The following DNAJC27 variants were observed in gnomAD, a reference collection of about 807,000 sequenced individuals.
The protein encoded by DNAJC27 is dnaJ homolog subfamily C member 27.
Under a neutral mutation model 31.4 loss-of-function variants are expected in DNAJC27, and 25 were observed. That is an observed-to-expected ratio of 0.80 (90% CI 0.58 to 1.11). The LOEUF (loss-of-function observed/expected upper bound fraction) is 1.11. Among genes scored for constraint, DNAJC27 ranks in the 50% most tolerant of loss-of-function variants. The pLI, the probability that DNAJC27 is intolerant of heterozygous loss-of-function variation, is 0.00. For synonymous variants in DNAJC27, 106 were observed against 112.7 expected, an observed-to-expected ratio of 0.94 and a Z score of 0.37; for missense variants, 356 against 347.3, an observed-to-expected ratio of 1.02 and a Z score of -0.20.
chr2:24,947,557 C>T lies in DNAJC27; in HGVS notation c.*59G>A. On this transcript the variant is annotated 3_prime_UTR_variant, in exon 7 of 7. Coordinates refer to ENST00000264711, the MANE Select transcript of DNAJC27 (RefSeq NM_016544.3). The stretch of plus-strand genomic sequence containing the variant: ...AAGGAAAACTCCACGTTGGTTATTT[C>T]ACCTCTAGGGAAAGTCTGTTTGCAT... 2 of 1,537,222 alleles carry T rather than the reference C, an allele frequency of 1.3e-6. No individual in the cohort carries two copies. The highest frequency in any genetic ancestry group is 2.4e-5 in the South Asian group (2 of 81,634).
chr2:24,954,751 C>G (rs1430769935), intron 5 of DNAJC27, among the ~76,000 whole-genome samples: 3 of 152,170 alleles, frequency 2.0e-5, no homozygotes, highest in Non-Finnish European at 4.4e-5. Context: ...TCCTGGCTAA[C>G]TCGGTGAAAC....
chr2:24,946,753 T>G lies in DNAJC27; in HGVS notation c.*863A>C, dbSNP rs1283060244. The G allele has an allele frequency of 1.3e-5, 2 of 152,092 alleles. No homozygotes were observed. Among genetic ancestry groups the G allele is most frequent in the African/African-American group, 4.8e-5 (2 of 41,410 alleles). The allele number at this position is 152,092 out of a possible 1,614,324, so 9.4% of individuals were successfully genotyped here. ...TTGAGCTCCTGGGCTTAAGCAATCC[T>G]CCTGTCTCAGCCTCCTGAGTAGCTG... On this transcript the variant is annotated 3_prime_UTR_variant, in exon 7 of 7. Coordinates refer to ENST00000264711, the MANE Select transcript of DNAJC27 (RefSeq NM_016544.3).
chr2:24,969,509 ACT>A (rs1441989862), intron 1 of DNAJC27: 1 of 165,610 alleles, frequency 6.0e-6, no homozygotes, highest in Non-Finnish European at 1.3e-5. Context: ...TTAGAGTCTC[ACT>A]CTGTCGCCTA....
chr2:24,951,263 G>A (rs1665767700), intron 6 of DNAJC27, 131 bp downstream of exon 6: 1 of 964,972 alleles, frequency 1.0e-6, no homozygotes, highest in Non-Finnish European at 1.5e-6. Context: ...GTGAAACTGA[G>A]TCATTCTAAT....
chr2:24,950,823 G>C (rs1665754955), intron 6 of DNAJC27, among the ~76,000 whole-genome samples: 1 of 151,574 alleles, frequency 6.6e-6, no homozygotes, highest in African/African-American at 2.4e-5. Flanking sequence ...CTCCAGCCGG[G>C]GTGATAAGAG....
intron 2 of DNAJC27, 80 bp downstream of exon 2, chr2:24,967,131 G>A (rs1666204680): frequency 9.6e-7 from 1 of 1,043,704 alleles, no homozygotes; most frequent in Non-Finnish European, 1.5e-6. Context: ...CTACACAAGA[G>A]CACTGATGCA....
chr2:24,969,541 A>G, intron 1 of DNAJC27: 1 of 156,514 alleles, frequency 6.4e-6, no homozygotes, highest in African/African-American at 2.4e-5. Flanking sequence ...GCAGTGGCAC[A>G]ATCTGGGCTT....
At position 24,944,892 on chromosome 2, in the gene DNAJC27, A is replaced by G. The variant is rs987993088; in HGVS notation, c.*2724T>C. On this transcript the variant is annotated 3_prime_UTR_variant, in exon 7 of 7. Coordinates refer to ENST00000264711, the MANE Select transcript of DNAJC27 (RefSeq NM_016544.3). ...TACTTCTTGGTGACTCAGATGTTGA[A>G]GACATGGCTTTTCTTTAATAATAGC... 6.5e-6 allele frequency: 1 copy of G among 152,676 alleles called. No homozygotes were observed. Among genetic ancestry groups the G allele is most frequent in the Non-Finnish European group, 1.5e-5 (1 of 68,042 alleles). 9.5% of individuals were successfully genotyped at this position (152,676 alleles called of 1,614,324 possible). A position where few individuals can be genotyped will look rare whatever the true frequency, so the allele number is the denominator to read the frequency against.
rs1272770999 is a variant in DNAJC27, at chr2:24,945,477, CT to C, written c.*2138del. The C allele has an allele frequency of 6.6e-6, 1 of 152,180 alleles. No homozygotes were observed. Among genetic ancestry groups the C allele is most frequent in the Non-Finnish European group, 1.5e-5 (1 of 68,036 alleles). 9.4% of individuals were successfully genotyped at this position (152,180 alleles called of 1,614,324 possible). A position where few individuals can be genotyped will look rare whatever the true frequency, so the allele number is the denominator to read the frequency against. On this transcript the variant is annotated 3_prime_UTR_variant, in exon 7 of 7. Coordinates refer to ENST00000264711, the MANE Select transcript of DNAJC27 (RefSeq NM_016544.3). The stretch of plus-strand genomic sequence containing the variant: ...TAACAGTGATGAAAACTGGCACCAG[CT>C]TTCATAGAGGGCCACACATTCAGAG...
Position 24,947,414 on chromosome 2 carries a change from C to T in DNAJC27, c.*202G>A. On this transcript the variant is annotated 3_prime_UTR_variant, in exon 7 of 7. Coordinates refer to ENST00000264711, the MANE Select transcript of DNAJC27 (RefSeq NM_016544.3). ...ATGAAATGAAGTACAGGGTGTGACG[C>T]TCAGTTCACTTCATACAAATGCAGG... The T allele has an allele frequency of 1.8e-6, 1 of 557,132 alleles. No homozygotes were observed. Among genetic ancestry groups the T allele is most frequent in the Non-Finnish European group, 3.1e-6 (1 of 323,074 alleles). 34.5% of individuals were successfully genotyped at this position (557,132 alleles called of 1,614,324 possible).
In DNAJC27 at chr2:24,971,949, C is replaced by G; in HGVS notation, c.-45G>C. 1 of 1,434,210 alleles carries G rather than the reference C, an allele frequency of 7.0e-7. No individual in the cohort carries two copies. The allele number at this position is 1,434,210 out of a possible 1,614,324, so 88.8% of individuals were successfully genotyped here. A position where few individuals can be genotyped will look rare whatever the true frequency, so the allele number is the denominator to read the frequency against. ...CCACCCGCCTCGGTCTCTTCTTGTG[C>G]ACCGCTGGCCCGTCCCTCAGGCCTC... is the stretch of plus-strand genomic sequence containing the variant. On this transcript the variant is annotated 5_prime_UTR_variant, in exon 1 of 7. Transcript: ENST00000264711.
intron 5 of DNAJC27, among the ~76,000 whole-genome samples, chr2:24,955,132 C>G (rs1167132763): frequency 1.3e-5 from 2 of 152,106 alleles, no homozygotes; most frequent in Non-Finnish European, 2.9e-5. Context: ...TTGGACTTAG[C>G]AGATGAAGAC....
At chr2:24,955,522 C>T (rs779907505) in intron 5 of DNAJC27, among the ~76,000 whole-genome samples, 17 of 152,064 alleles carry the variant, frequency 1.1e-4, no homozygotes, top group Non-Finnish European at 1.8e-4. Flanking sequence ...AAAAACAAAA[C>T]AGAAAACTCC....
intron 3 of DNAJC27, among the ~76,000 whole-genome samples, chr2:24,960,802 C>T (rs748317064): frequency 1.2e-4 from 18 of 152,288 alleles, no homozygotes; most frequent in South Asian, 2.1e-4. Flanking sequence ...GAGGAAAAGT[C>T]AGAAGCTAGC....
intron 4 of DNAJC27, 82 bp from the exon 5 acceptor site, chr2:24,957,247 C>A: frequency 6.9e-7 from 1 of 1,445,516 alleles, no homozygotes; most frequent in East Asian, 2.5e-5. Flanking sequence ...CTCTGTCAAT[C>A]CTTTACTAAG....
In DNAJC27 at chr2:24,967,246, G is replaced by T. The variant is rs533594381; in HGVS notation, c.135C>A (p.Tyr45Ter). ...CATAGTCAATTCCAATTGTTGCCAG[G>T]TATTTAGACACGAATCTTTTCTCAC... ...RYCEKRFVSK[Y>*]LATIGIDYGV... Residue 45 changes from tyrosine to a stop codon, truncating the protein, a stop_gained, in exon 2 of 7, where the codon TAC becomes TAA. Transcript: ENST00000264711. LOFTEE classifies it high-confidence loss of function. 1 of 1,613,802 alleles carries T rather than the reference G, an allele frequency of 6.2e-7. No individual in the cohort carries two copies. Among genetic ancestry groups the T allele is most frequent in the South Asian group, 1.1e-5 (1 of 91,062 alleles).
intron 5 of DNAJC27, 131 bp from the exon 6 acceptor site, chr2:24,951,685 C>T (rs1410741991): frequency 3.7e-6 from 2 of 537,436 alleles, no homozygotes; most frequent in African/African-American, 2.0e-5. Context: ...CAAATACACA[C>T]TTTGGAAGAT....
At chr2:24,967,007 T>C (rs999146907) in intron 2 of DNAJC27, among the ~76,000 whole-genome samples, 1 of 152,244 alleles carries the variant, frequency 6.6e-6, no homozygotes, top group Non-Finnish European at 1.5e-5. Flanking sequence ...GTGAATGGGA[T>C]GTGCTCAATA....
rs1055917413 is a variant in DNAJC27 at position 24,947,380 on chromosome 2, T to C, written c.*236A>G. 2.4e-6 allele frequency: 1 copy of C among 408,398 alleles called. No homozygotes were observed. The highest frequency in any genetic ancestry group is 7.6e-5 in the South Asian group (1 of 13,108). 25.3% of individuals were successfully genotyped at this position (408,398 alleles called of 1,614,324 possible). On this transcript the variant is annotated 3_prime_UTR_variant, in exon 7 of 7. Transcript: ENST00000264711. ...CGAATGAGAAAAAAATTCAGAATTA[T>C]CTAGAAATATGAAATGAAGTACAGG...
Sources: gnomAD v4.1 joint callset for allele counts (sites outside exome capture counted in the v4.1 genomes callset) on GRCh38, gnomAD v4.1.1 for gene constraint, MANE v1.5 for transcripts, NCBI Gene and HGNC (gene_info 2026-07-23, HGNC 2026-07-21) for gene names.